Variants in MTTP observed in about 807,000 individuals in gnomAD.
MTTP encodes the protein microsomal triglyceride transfer protein.
In MTTP, 49 loss-of-function variants were observed where a neutral mutation model predicts 90.6. The observed-to-expected ratio is 0.54, with a 90% CI of 0.43 to 0.69. MTTP has a LOEUF of 0.69. MTTP is among the 30% of genes least tolerant of loss of function. MTTP has a pLI of 0.00. For missense variants in MTTP, 945 were observed against 1,067.5 expected (o/e 0.89, Z 1.60); for synonymous variants, 347 against 384.2 (o/e 0.90, Z 1.13).
At chr4:99,582,813 C>T (rs1194122848) in intron 2 of MTTP, among the ~76,000 whole-genome samples, 1 of 152,118 alleles carries the variant, frequency 6.6e-6, no homozygotes, top group Admixed American at 6.6e-5. Context: ...GGTGTCATAG[C>T]AATACATTTA....
chr4:99,579,712 T>A (rs1725052403), intron 1 of MTTP, among the ~76,000 whole-genome samples: 1 of 152,166 alleles, frequency 6.6e-6, no homozygotes, highest in African/African-American at 2.4e-5. Context: ...GTAGAAAATT[T>A]ACAAAGGGTA....
At position 99,608,934 on chromosome 4, in the gene MTTP, C is replaced by G; in HGVS notation, c.1726C>G (p.Leu576Val). The G allele has an allele frequency of 6.2e-7, 1 of 1,614,114 alleles. No homozygotes were observed. Among genetic ancestry groups the G allele is most frequent in the African/African-American group, 1.3e-5 (1 of 75,036 alleles). ...TCCCCAAGAAATGAATAAATACATG[C>G]TCGCCATTGTTCAAGACATCCTACG... Reference protein sequence around the residue: ...ELPQEMNKYMLAIVQDILRFE... With the variant: ...ELPQEMNKYMVAIVQDILRFE... Residue 576 changes from leucine to valine, a missense_variant, in exon 12 of 18, where the codon CTC (leucine) becomes GTC (valine). Leu to Val is a conservative substitution (Grantham distance 32). Coordinates refer to ENST00000265517, the MANE Select transcript of MTTP (RefSeq NM_001386140.1).
chr4:99,602,698 G>A (rs1725727307), intron 10 of MTTP, among the ~76,000 whole-genome samples: 1 of 151,984 alleles, frequency 6.6e-6, no homozygotes, highest in Non-Finnish European at 1.5e-5. Flanking sequence ...TTTTATATTA[G>A]GGAAGCATGA....
chr4:99,574,407 G>T (rs891169412), upstream of MTTP, among the ~76,000 whole-genome samples: 37 of 152,160 alleles, frequency 2.4e-4, no homozygotes, highest in African/African-American at 8.7e-4. Context: ...AAAATTCAAA[G>T]ATGTCCATAC....
chr4:99,600,257 T>G (rs570891754), intron 8 of MTTP, among the ~76,000 whole-genome samples: 1 of 152,278 alleles, frequency 6.6e-6, no homozygotes, highest in South Asian at 2.1e-4. Context: ...AATTTATAAT[T>G]GTATTTATAT....
intron 4 of MTTP, among the ~76,000 whole-genome samples, 192 bp from the exon 5 acceptor site, chr4:99,591,043 T>C (rs1725404470): frequency 6.6e-6 from 1 of 152,118 alleles, no homozygotes. Context: ...ATTAAGACAC[T>C]CAACCAAAGA....
intron 12 of MTTP, among the ~76,000 whole-genome samples, chr4:99,609,507 C>T (rs1254092918): frequency 6.6e-6 from 1 of 152,116 alleles, no homozygotes; most frequent in African/African-American, 2.4e-5. Flanking sequence ...CTTCCAGTTA[C>T]CAAGTCTGTC....
chr4:99,620,048 A>T (rs956201), intron 16 of MTTP, among the ~76,000 whole-genome samples: 5,839 of 152,252 alleles, frequency 0.038, 162 homozygotes, highest in South Asian at 0.08. Context: ...TGGATTTTTT[A>T]AAAAAGTACA....
At chr4:99,596,999 A>G in intron 7 of MTTP, 68 bp from the exon 8 acceptor site, 1 of 1,602,068 alleles carries the variant, frequency 6.2e-7, no homozygotes, top group Non-Finnish European at 8.5e-7. Flanking sequence ...TCCTAGGAGA[A>G]CACCCTTTGT....
intron 17 of MTTP, 66 bp from the exon 18 acceptor site, chr4:99,622,611 G>A: frequency 2.6e-6 from 4 of 1,540,512 alleles, no homozygotes; most frequent in Non-Finnish European, 3.6e-6. Context: ...TCAGTAACTT[G>A]GCTGGAGAGG....
In MTTP at chr4:99,565,668, A is replaced by T. The variant is rs1364821041; in HGVS notation, c.-102+1431A>T. On this transcript the variant is annotated intron_variant, in intron 1 of 18. Transcript: ENST00000457717. ...GGGGAGCCAGCAGTAAATAAATACC[A>T]TACAACATGTACTTGAGATGCTTGT... 3.5e-4 allele frequency among the ~76,000 whole-genome samples: 54 copies of T among 152,246 alleles called. 1 individual carries two copies. The highest frequency in any genetic ancestry group is 2.9e-5 in the Non-Finnish European group (2 of 68,048).
At chr4:99,595,493 C>G (rs1725532226) in intron 7 of MTTP, 1 of 157,550 alleles carries the variant, frequency 6.3e-6, no homozygotes, top group South Asian at 1.9e-4. Flanking sequence ...AAATGACTTA[C>G]CACCCAGCAT....
chr4:99,609,040 G>T, intron 12 of MTTP, 63 bp downstream of exon 12: 2 of 1,404,498 alleles, frequency 1.4e-6, no homozygotes, highest in Middle Eastern at 1.8e-4. Context: ...ATGGGGTACC[G>T]ATGTAGCTAA....
chr4:99,623,062 A>G lies in MTTP; in HGVS notation c.*214A>G. 1.7e-6 allele frequency: 1 copy of G among 592,006 alleles called. No homozygotes were observed. Among genetic ancestry groups the G allele is most frequent in the Non-Finnish European group, 3.0e-6 (1 of 331,236 alleles). The allele number at this position is 592,006 out of a possible 1,614,324, so 36.7% of individuals were successfully genotyped here. A position where few individuals can be genotyped will look rare whatever the true frequency, so the allele number is the denominator to read the frequency against. ...TTTGAATCATCATGTGACGCTTTCAACAACGTTCTTAGTTTACTTATACCT... is the reference window on the plus strand; with the variant it reads ...TTTGAATCATCATGTGACGCTTTCAGCAACGTTCTTAGTTTACTTATACCT... On this transcript the variant is annotated 3_prime_UTR_variant, in exon 18 of 18. Coordinates refer to ENST00000265517, the MANE Select transcript of MTTP (RefSeq NM_001386140.1).
At chr4:99,607,141 G>A (rs560709594) in intron 11 of MTTP, among the ~76,000 whole-genome samples, 181 bp downstream of exon 11, 83 of 149,846 alleles carry the variant, frequency 5.5e-4, no homozygotes, top group African/African-American at 2.0e-3. Context: ...ACAGGGTAAC[G>A]TCCTATATCT....
intron 10 of MTTP, among the ~76,000 whole-genome samples, chr4:99,603,544 G>A (rs752427195): frequency 6.6e-6 from 1 of 152,116 alleles, no homozygotes; most frequent in Non-Finnish European, 1.5e-5. Context: ...ACTTTATTTA[G>A]TGACTGATAA....
At position 99,618,954 on chromosome 4, in the gene MTTP, A is replaced by G. The variant is rs1283807454; in HGVS notation, c.2218-20A>G. Reference sequence around the variant, plus strand: ...TGTACTTATTATTTTTATAACTATTATTATGCTTTTTTCTTCTAGGAACTT... The same window carrying G: ...TGTACTTATTATTTTTATAACTATTGTTATGCTTTTTTCTTCTAGGAACTT... On this transcript the variant is annotated intron_variant, in intron 15 of 17. Coordinates refer to ENST00000265517, the MANE Select transcript of MTTP (RefSeq NM_001386140.1). The G allele has an allele frequency of 6.2e-7, 1 of 1,608,980 alleles. No homozygotes were observed. Among genetic ancestry groups the G allele is most frequent in the Admixed American group, 1.7e-5 (1 of 59,956 alleles).
chr4:99,583,818 G>T (rs989004132), intron 3 of MTTP: 2 of 536,776 alleles, frequency 3.7e-6, no homozygotes, highest in Non-Finnish European at 3.3e-6. Context: ...AATTATAAGG[G>T]ATTACAAACG....
intron 14 of MTTP, among the ~76,000 whole-genome samples, chr4:99,612,195 G>A (rs1215968562): frequency 6.6e-6 from 1 of 152,074 alleles, no homozygotes; most frequent in Admixed American, 6.6e-5. Flanking sequence ...TAGTACTGTA[G>A]TCAGAGTACT....
Sources: gnomAD v4.1 joint callset for allele counts (sites outside exome capture counted in the v4.1 genomes callset) on GRCh38, gnomAD v4.1.1 for gene constraint, MANE v1.5 for transcripts, NCBI Gene and HGNC (gene_info 2026-07-23, HGNC 2026-07-21) for gene names.